GTF2IRD1: variants seen among roughly 807,000 people sequenced by gnomAD.
GTF2IRD1 encodes GTF2I repeat domain containing 1.
Under a neutral mutation model 113.2 loss-of-function variants are expected in GTF2IRD1, and 26 were observed. The observed-to-expected ratio is 0.23, with a 90% CI of 0.17 to 0.32. GTF2IRD1 has a LOEUF of 0.32. Among genes scored for constraint, GTF2IRD1 ranks in the 10% least tolerant of loss-of-function variants. The pLI is 1.00. For missense variants in GTF2IRD1, 864 were observed against 1,280.8 expected (o/e 0.67, Z 4.97); for synonymous variants, 484 against 529.1 (o/e 0.91, Z 1.17).
intron 1 of GTF2IRD1, among the ~76,000 whole-genome samples, chr7:74,464,321 T>C (rs1277465947): frequency 1.3e-5 from 2 of 152,212 alleles, no homozygotes; most frequent in Non-Finnish European, 2.9e-5. Flanking sequence ...CAGTTTCCCA[T>C]TGGCAAATCC....
At chr7:74,517,970 C>G (rs117052160) in intron 4 of GTF2IRD1, among the ~76,000 whole-genome samples, 169 bp from the exon 5 acceptor site, 2 of 152,186 alleles carry the variant, frequency 1.3e-5, no homozygotes, top group Non-Finnish European at 2.9e-5. Flanking sequence ...CACCCACCCC[C>G]AGCCTGCAGG....
chr7:74,567,302 C>T (rs1296060811), intron 22 of GTF2IRD1, among the ~76,000 whole-genome samples: 1 of 150,246 alleles, frequency 6.7e-6, no homozygotes, highest in Admixed American at 6.7e-5. Flanking sequence ...CACTCCAACC[C>T]GGCGACACAG....
chr7:74,574,172 T>TG (rs1192736440), intron 22 of GTF2IRD1, among the ~76,000 whole-genome samples: 1 of 147,132 alleles, frequency 6.8e-6, no homozygotes, highest in Non-Finnish European at 1.5e-5. Context: ...TTTTTTTTTT[T>TG]TGTATTTTTA....
At chr7:74,550,895 G>A (rs1465617066) in intron 17 of GTF2IRD1, among the ~76,000 whole-genome samples, 21 of 151,964 alleles carry the variant, frequency 1.4e-4, no homozygotes, top group African/African-American at 5.1e-4. Flanking sequence ...TTAGCCAGGT[G>A]CAGTGGTGTG....
chr7:74,551,662 G>A (rs112128610), intron 17 of GTF2IRD1, among the ~76,000 whole-genome samples: 145 of 152,324 alleles, frequency 9.5e-4, no homozygotes, highest in African/African-American at 3.4e-3. Flanking sequence ...AGCAGGCCAG[G>A]CGTGGTGGCT....
chr7:74,537,620 T>C (rs1798376717), intron 11 of GTF2IRD1, among the ~76,000 whole-genome samples: 1 of 152,102 alleles, frequency 6.6e-6, no homozygotes, highest in South Asian at 2.1e-4. Flanking sequence ...TCTGACCTCT[T>C]AGGGGCAGGG....
intron 22 of GTF2IRD1, among the ~76,000 whole-genome samples, chr7:74,580,747 G>C (rs1322959479): frequency 3.9e-5 from 6 of 152,144 alleles, no homozygotes; most frequent in African/African-American, 1.4e-4. Flanking sequence ...CACCAAAGGT[G>C]TCACTGTCCA....
At chr7:74,527,475 C>T (rs1797670536) in intron 8 of GTF2IRD1, among the ~76,000 whole-genome samples, 1 of 151,738 alleles carries the variant, frequency 6.6e-6, no homozygotes, top group Non-Finnish European at 1.5e-5. Context: ...GGGCTGTTAG[C>T]AAGACCCTGT....
Position 74,555,397 on chromosome 7 carries a change from T to C in GTF2IRD1, c.1967-41T>C. On this transcript the variant is annotated intron_variant, in intron 18 of 26. Coordinates refer to ENST00000424337, the MANE Select transcript of GTF2IRD1 (RefSeq NM_005685.4). The surrounding 1 kb of genome is among the most constrained non-coding windows in gnomAD (Gnocchi z 5.3). ...CGATGCCATCTTGGGTCCCAGGAACTGCCTCCTCACTTGGCTTCTCTCCCC... is the reference window on the plus strand; with the variant it reads ...CGATGCCATCTTGGGTCCCAGGAACCGCCTCCTCACTTGGCTTCTCTCCCC... 2 of 1,611,646 alleles carry C rather than the reference T, an allele frequency of 1.2e-6. No individual in the cohort carries two copies. Among genetic ancestry groups the C allele is most frequent in the Non-Finnish European group, 1.7e-6 (2 of 1,177,752 alleles).
chr7:74,485,417 A>G (rs1584496347), intron 1 of GTF2IRD1, among the ~76,000 whole-genome samples: 1 of 152,056 alleles, frequency 6.6e-6, no homozygotes, highest in East Asian at 1.9e-4. Flanking sequence ...GGAGATCGAG[A>G]CCATCCTGGC....
At position 74,572,235 on chromosome 7, in the gene GTF2IRD1, C is replaced by T. The variant is rs587613797; in HGVS notation, c.2320+12580C>T. ...GTGGACATGGGGAGGGACTGAAGAG[C>T]GGCAGGCACAGGAACAGGTCCCTTT... On this transcript the variant is annotated intron_variant, in intron 22 of 26. Transcript: ENST00000424337. Among the ~76,000 whole-genome samples, 15 of 152,228 alleles carry T rather than the reference C, an allele frequency of 9.9e-5. No homozygotes were observed. In the South Asian group the frequency reaches 1.2e-3, roughly 13 times the overall value.
chr7:74,550,382 C>G (rs1554354640), intron 17 of GTF2IRD1, among the ~76,000 whole-genome samples: 1 of 150,996 alleles, frequency 6.6e-6, no homozygotes. Context: ...GGGCTTCTTT[C>G]AACAAATTCT....
Position 74,582,907 on chromosome 7 carries a change from G to C in GTF2IRD1, c.2321-6944G>C, listed in dbSNP as rs587638990. On this transcript the variant is annotated intron_variant, in intron 22 of 26. Transcript: ENST00000424337. The stretch of plus-strand genomic sequence containing the variant: ...CTACAAAAGATGGAAAAATTAGCTG[G>C]GTGTGGTAGCCCACACCTGTAGTCC... Among the ~76,000 whole-genome samples the C allele has an allele frequency of 1.4e-4, 22 of 152,030 alleles. No homozygotes were observed. The East Asian group carries it at 4.1e-3, about 28-fold the overall frequency.
At chr7:74,567,929 G>T (rs1199573813) in intron 22 of GTF2IRD1, among the ~76,000 whole-genome samples, 2 of 152,036 alleles carry the variant, frequency 1.3e-5, no homozygotes, top group African/African-American at 2.4e-5. Flanking sequence ...GGGATTACAG[G>T]CGCGTGCTAT....
chr7:74,528,931 C>A (rs1316566509), intron 8 of GTF2IRD1, among the ~76,000 whole-genome samples: 6 of 39,318 alleles, frequency 1.5e-4, no homozygotes, highest in Admixed American at 5.4e-4. Flanking sequence ...GGACGGACAA[C>A]CGGGTGGATG....
chr7:74,516,767 G>A (rs1326931209), intron 4 of GTF2IRD1, among the ~76,000 whole-genome samples: 3 of 151,994 alleles, frequency 2.0e-5, no homozygotes, highest in East Asian at 1.9e-4. Context: ...GCAGGGCCCC[G>A]CGCCCCTGCC....
At chr7:74,500,505 AAC>A (rs1795975068) in intron 1 of GTF2IRD1, among the ~76,000 whole-genome samples, 1 of 151,550 alleles carries the variant, frequency 6.6e-6, no homozygotes, top group Admixed American at 6.6e-5. Context: ...TTTTTGGTTC[AAC>A]CCCAAGCCAG....
intron 1 of GTF2IRD1, among the ~76,000 whole-genome samples, chr7:74,494,187 G>A (rs1185776564): frequency 1.3e-5 from 2 of 152,244 alleles, no homozygotes; most frequent in Non-Finnish European, 2.9e-5. Flanking sequence ...TCAAAAGGTT[G>A]CCGGTGGGAG....
chr7:74,524,009 G>A (rs974684332), intron 7 of GTF2IRD1, 62 bp from the exon 8 acceptor site: 22 of 1,175,394 alleles, frequency 1.9e-5, no homozygotes, highest in East Asian at 2.5e-5. Flanking sequence ...GGTCATGGCC[G>A]GTGGAGGGCG....
Sources: allele counts gnomAD v4.1 joint callset (sites outside exome capture counted in the v4.1 genomes callset), GRCh38; gene constraint gnomAD v4.1.1; non-coding constraint Gnocchi (gnomAD v3.1); transcripts MANE v1.5; gene names NCBI Gene and HGNC (gene_info 2026-07-23, HGNC 2026-07-21).